The following GPC6 variants were observed in gnomAD, a reference collection of about 807,000 sequenced individuals.
GPC6 encodes the protein glypican 6, also known as glypican-6.
Under a neutral mutation model 55.2 loss-of-function variants are expected in GPC6, and 14 were observed. The observed-to-expected ratio is 0.25, with a 90% confidence interval of 0.17 to 0.40. The LOEUF (loss-of-function observed/expected upper bound fraction) is 0.40, where lower values mean the gene tolerates loss of function less well. GPC6 is among the 10% of genes least tolerant of loss of function. GPC6 has a pLI of 1.00. For synonymous variants in GPC6, 278 were observed against 259.6 expected (o/e 1.07, Z -0.68); for missense variants, 641 against 708.5 (o/e 0.90, Z 1.08).
intron 1 of GPC6, among the ~76,000 whole-genome samples, chr13:93,466,435 T>A (rs1414940121): frequency 6.6e-6 from 1 of 152,244 alleles, no homozygotes; most frequent in Non-Finnish European, 1.5e-5. Flanking sequence ...GCTAACCTGT[T>A]AAAGAGTTAC....
chr13:94,093,667 A>G (rs1311890000), intron 4 of GPC6, among the ~76,000 whole-genome samples: 17 of 152,130 alleles, frequency 1.1e-4, no homozygotes. Flanking sequence ...TAGGGATTGC[A>G]TTGAATCTGT....
chr13:94,399,794 C>T (rs1181081773), intron 8 of GPC6, among the ~76,000 whole-genome samples: 2 of 152,160 alleles, frequency 1.3e-5, no homozygotes, highest in South Asian at 2.1e-4. Context: ...AAAATAATCC[C>T]ATTATCTCTC....
intron 3 of GPC6, among the ~76,000 whole-genome samples, chr13:93,988,028 G>A (rs906951586): frequency 1.3e-5 from 2 of 152,134 alleles, no homozygotes; most frequent in Non-Finnish European, 2.9e-5. Context: ...CTCTTTGGAG[G>A]ATCTGCATCT....
intron 6 of GPC6, among the ~76,000 whole-genome samples, chr13:94,331,561 A>G (rs748738419): frequency 1.1e-4 from 16 of 152,178 alleles, no homozygotes; most frequent in Non-Finnish European, 1.9e-4. Context: ...TGTAGCCACA[A>G]ATAAGAACAA....
intron 1 of GPC6, among the ~76,000 whole-genome samples, chr13:93,233,422 C>G (rs984642374): frequency 1.3e-5 from 2 of 151,194 alleles, no homozygotes; most frequent in African/African-American, 4.8e-5. Context: ...CCCATTCTCT[C>G]TTTCTTCTAG....
intron 2 of GPC6, among the ~76,000 whole-genome samples, chr13:93,815,825 T>C (rs1049109875): frequency 8.1e-5 from 9 of 111,058 alleles, no homozygotes; most frequent in African/African-American, 3.2e-4. Context: ...ACATCTGTGA[T>C]GCCACATGAG....
chr13:93,523,055 A>G (rs868824583), intron 1 of GPC6, among the ~76,000 whole-genome samples: 3 of 149,032 alleles, frequency 2.0e-5, no homozygotes, highest in African/African-American at 7.6e-5. Context: ...ACACACACAT[A>G]TGTGTATACA....
chr13:93,496,402 G>A (rs532053200), intron 1 of GPC6, among the ~76,000 whole-genome samples: 151 of 152,224 alleles, frequency 9.9e-4, no homozygotes, highest in Non-Finnish European at 1.5e-3. Flanking sequence ...ACTGGCCTGC[G>A]CCCACTGTCT....
At chr13:93,401,233 T>G (rs1181883994) in intron 1 of GPC6, among the ~76,000 whole-genome samples, 1 of 151,088 alleles carries the variant, frequency 6.6e-6, no homozygotes. Context: ...GTATTCCTGG[T>G]ACCTGGAATA....
intron 4 of GPC6, among the ~76,000 whole-genome samples, chr13:94,164,566 C>T (rs555804912): frequency 6.6e-6 from 1 of 152,174 alleles, no homozygotes; most frequent in African/African-American, 2.4e-5. Flanking sequence ...AAGTCACATC[C>T]AGTTAAATTT....
intron 3 of GPC6, among the ~76,000 whole-genome samples, chr13:93,964,866 T>A (rs1879951531): frequency 6.6e-6 from 1 of 152,152 alleles, no homozygotes. Flanking sequence ...TCTCATTCTG[T>A]TCCGCTGACT....
intron 2 of GPC6, among the ~76,000 whole-genome samples, chr13:93,711,585 A>T (rs918418151): frequency 7.4e-5 from 11 of 149,450 alleles, no homozygotes; most frequent in African/African-American, 9.8e-5. Flanking sequence ...TCTTTTTTAA[A>T]TTTTTTTTTT....
chr13:94,049,506 G>T (rs1227253114), intron 4 of GPC6, among the ~76,000 whole-genome samples: 1 of 152,090 alleles, frequency 6.6e-6, no homozygotes, highest in Non-Finnish European at 1.5e-5. Context: ...CATGAGATCT[G>T]CTTTCTAAGA....
intron 1 of GPC6, among the ~76,000 whole-genome samples, chr13:93,400,986 C>A (rs2139231817): frequency 6.6e-6 from 1 of 152,168 alleles, no homozygotes; most frequent in Admixed American, 6.5e-5. Context: ...TGGTTTATGG[C>A]AGAAATTGAA....
intron 3 of GPC6, among the ~76,000 whole-genome samples, chr13:93,849,138 G>A (rs1010025972): frequency 2.1e-4 from 32 of 152,022 alleles, no homozygotes; most frequent in African/African-American, 7.7e-4. Flanking sequence ...AAGAACTATT[G>A]CAATTTGGAT....
chr13:93,309,879 T>C (rs1487157983), intron 1 of GPC6, among the ~76,000 whole-genome samples: 1 of 152,198 alleles, frequency 6.6e-6, no homozygotes, highest in African/African-American at 2.4e-5. Context: ...TGATACTTGT[T>C]GTACCTTCTA....
intron 4 of GPC6, among the ~76,000 whole-genome samples, chr13:94,037,344 G>A (rs539883956): frequency 2.4e-4 from 37 of 151,964 alleles, no homozygotes; most frequent in African/African-American, 6.7e-4. Context: ...CCAGATATGC[G>A]CTTCCCGAGT....
intron 1 of GPC6, among the ~76,000 whole-genome samples, chr13:93,317,355 A>C (rs1476052033): frequency 6.6e-6 from 1 of 152,094 alleles, no homozygotes; most frequent in Non-Finnish European, 1.5e-5. Flanking sequence ...TAATCTTTAC[A>C]ACCAGAGATT....
intron 4 of GPC6, among the ~76,000 whole-genome samples, chr13:94,234,124 C>A (rs1020137283): frequency 2.6e-5 from 4 of 152,008 alleles, no homozygotes; most frequent in Non-Finnish European, 5.9e-5. Context: ...ATTTCCCCTG[C>A]AATGCTGGGA....
Sources: gnomAD v4.1 joint callset for allele counts (sites outside exome capture counted in the v4.1 genomes callset) on GRCh38, gnomAD v4.1.1 for gene constraint, MANE v1.5 for transcripts, NCBI Gene and HGNC (gene_info 2026-07-23, HGNC 2026-07-21) for gene names.